Variants in DOK6 observed in about 807,000 individuals in gnomAD.
The protein encoded by DOK6 is downstream of tyrosine kinase 6.
A neutral mutation model predicts 44.0 loss-of-function variants in DOK6; 22 were observed. The ratio of observed to expected loss-of-function variants is 0.50; its 90% confidence interval spans 0.36 to 0.71. The LOEUF (loss-of-function observed/expected upper bound fraction) is 0.71, where lower values mean the gene tolerates loss of function less well. Ranked by LOEUF, DOK6 falls within the 30% of genes least tolerant of loss-of-function variation. DOK6 has a pLI of 0.00. For synonymous variants in DOK6, 166 were observed against 145.5 expected (o/e 1.14, Z -1.01); for missense variants, 340 against 416.4 (o/e 0.82, Z 1.60).
At position 69,815,752 on chromosome 18, in the gene DOK6, C is replaced by T. The variant is rs75405391; in HGVS notation, c.857-25492C>T. Reference sequence around the variant, plus strand: ...ATTTTATCTTTTTATCTAGACAGACCGATGGGTAGATATAGATAGTAGATA... The same window carrying T: ...ATTTTATCTTTTTATCTAGACAGACTGATGGGTAGATATAGATAGTAGATA... On this transcript the variant is annotated intron_variant, in intron 7 of 7. Coordinates refer to ENST00000382713, the MANE Select transcript of DOK6 (RefSeq NM_152721.6). Among the ~76,000 whole-genome samples the T allele has an allele frequency of 2.1e-3, 322 of 151,778 alleles. 2 individuals are homozygous for T. The highest frequency in any genetic ancestry group is 7.4e-3 in the African/African-American group (308 of 41,350).
intron 3 of DOK6, among the ~76,000 whole-genome samples, chr18:69,656,011 G>T (rs1320604486): frequency 6.6e-6 from 1 of 151,944 alleles, no homozygotes; most frequent in Non-Finnish European, 1.5e-5. Flanking sequence ...AGAAAGACTT[G>T]TATTGTTGAG....
At chr18:69,535,843 A>G (rs1173713494) in intron 1 of DOK6, among the ~76,000 whole-genome samples, 1 of 152,134 alleles carries the variant, frequency 6.6e-6, no homozygotes, top group East Asian at 1.9e-4. Flanking sequence ...ATGTTATGCA[A>G]AAAATATCAT....
At chr18:69,822,514 A>C (rs968319921) in intron 7 of DOK6, among the ~76,000 whole-genome samples, 12 of 152,254 alleles carry the variant, frequency 7.9e-5, no homozygotes, top group Non-Finnish European at 4.4e-5. Context: ...GAGGGAAACT[A>C]CAAGTTTGGG....
At chr18:69,584,352 C>T (rs1983448225) in intron 2 of DOK6, among the ~76,000 whole-genome samples, 1 of 151,952 alleles carries the variant, frequency 6.6e-6, no homozygotes, top group South Asian at 2.1e-4. Flanking sequence ...AGTGGCACAA[C>T]CTCCACCCAC....
chr18:69,683,702 T>C (rs1350420976), intron 4 of DOK6, among the ~76,000 whole-genome samples: 1 of 152,232 alleles, frequency 6.6e-6, no homozygotes, highest in Non-Finnish European at 1.5e-5. Context: ...ATTACAAACT[T>C]CTAGCCTCCA....
chr18:69,652,645 T>C (rs60646757), intron 3 of DOK6, among the ~76,000 whole-genome samples: 31,925 of 151,960 alleles, frequency 0.21, 3,427 homozygotes, highest in Non-Finnish European at 0.22. Flanking sequence ...GATGAGACTC[T>C]TTTCCTTGGT....
At chr18:69,449,402 A>G (rs1288990578) in intron 1 of DOK6, among the ~76,000 whole-genome samples, 1 of 152,250 alleles carries the variant, frequency 6.6e-6, no homozygotes, top group Non-Finnish European at 1.5e-5. Context: ...AAGACCAAAG[A>G]AAGAAAATAG....
At chr18:69,545,903 T>A (rs1171699705) in intron 1 of DOK6, among the ~76,000 whole-genome samples, 4 of 151,446 alleles carry the variant, frequency 2.6e-5, no homozygotes, top group Admixed American at 1.3e-4. Context: ...AACCTAGAAT[T>A]TTAAAAAGTG....
At chr18:69,675,825 T>C (rs1444555255) in intron 3 of DOK6, among the ~76,000 whole-genome samples, 1 of 152,228 alleles carries the variant, frequency 6.6e-6, no homozygotes, top group Non-Finnish European at 1.5e-5. Flanking sequence ...TATAAATACT[T>C]ATATATCTAA....
intron 1 of DOK6, among the ~76,000 whole-genome samples, chr18:69,519,345 A>G (rs1981625248): frequency 6.6e-6 from 1 of 152,002 alleles, no homozygotes; most frequent in South Asian, 2.1e-4. Flanking sequence ...ACTCATAGCC[A>G]CTTACTAGTC....
At chr18:69,596,232 A>G (rs1983737455) in intron 2 of DOK6, among the ~76,000 whole-genome samples, 1 of 152,146 alleles carries the variant, frequency 6.6e-6, no homozygotes, top group Non-Finnish European at 1.5e-5. Flanking sequence ...TTGGCCCCAT[A>G]TGTGAAGTAA....
At chr18:69,830,470 G>A (rs980355311) in intron 7 of DOK6, among the ~76,000 whole-genome samples, 1 of 152,170 alleles carries the variant, frequency 6.6e-6, no homozygotes, top group South Asian at 2.1e-4. Flanking sequence ...AGGAAAGGCC[G>A]TGTGAGGACA....
intron 3 of DOK6, among the ~76,000 whole-genome samples, chr18:69,673,082 C>T (rs950727724): frequency 3.3e-5 from 5 of 152,052 alleles, no homozygotes; most frequent in African/African-American, 1.2e-4. Flanking sequence ...TTAATAAAAG[C>T]TAACTCCAGT....
intron 1 of DOK6, among the ~76,000 whole-genome samples, chr18:69,540,117 C>T (rs995954833): frequency 1.3e-5 from 2 of 152,150 alleles, no homozygotes; most frequent in African/African-American, 4.8e-5. Flanking sequence ...GATCCAATCA[C>T]CTCCCACCAG....
chr18:69,759,171 G>A (rs548444450), intron 7 of DOK6, among the ~76,000 whole-genome samples: 3 of 152,138 alleles, frequency 2.0e-5, no homozygotes, highest in South Asian at 4.1e-4. Flanking sequence ...GTGAGGAGTG[G>A]AGACTGGTTT....
At chr18:69,413,693 A>G (rs2122394325) in intron 1 of DOK6, among the ~76,000 whole-genome samples, 1 of 152,114 alleles carries the variant, frequency 6.6e-6, no homozygotes, top group Non-Finnish European at 1.5e-5. Context: ...ACTAGGCAGA[A>G]TTCTTAGACT....
chr18:69,791,438 A>C (rs866466435), intron 7 of DOK6, among the ~76,000 whole-genome samples: 105 of 152,134 alleles, frequency 6.9e-4, no homozygotes, highest in African/African-American at 2.4e-3. Flanking sequence ...CTTTGAATAA[A>C]AGCCATTTTA....
intron 5 of DOK6, among the ~76,000 whole-genome samples, chr18:69,705,677 A>G (rs1347285844): frequency 6.6e-6 from 1 of 152,236 alleles, no homozygotes; most frequent in African/African-American, 2.4e-5. Context: ...ACTTAAAAAC[A>G]TTAAGTGTCT....
chr18:69,800,753 C>T (rs970840906), intron 7 of DOK6, among the ~76,000 whole-genome samples: 8 of 152,136 alleles, frequency 5.3e-5, no homozygotes, highest in Admixed American at 2.6e-4. Flanking sequence ...AGTTTGGACA[C>T]TGCACAGATT....
Sources: allele counts gnomAD v4.1 joint callset (sites outside exome capture counted in the v4.1 genomes callset), GRCh38; gene constraint gnomAD v4.1.1; transcripts MANE v1.5; gene names NCBI Gene and HGNC (gene_info 2026-07-23, HGNC 2026-07-21).